MYCBP2: variants seen among roughly 807,000 people sequenced by gnomAD.
MYCBP2 encodes E3 ubiquitin-protein ligase MYCBP2.
In MYCBP2, 120 loss-of-function variants were observed where a neutral mutation model predicts 525.3. That is an observed-to-expected ratio of 0.23 (90% CI 0.20 to 0.27). The LOEUF (loss-of-function observed/expected upper bound fraction) is 0.27. Ranked by LOEUF, MYCBP2 falls within the 10% of genes least tolerant of loss-of-function variation. MYCBP2 has a pLI of 1.00. For missense variants in MYCBP2, 4,149 were observed against 5,657.1 expected (o/e 0.73, Z 8.55); for synonymous variants, 1,894 against 1,955.8 (o/e 0.97, Z 0.83).
chr13:77,217,977 A>G lies in MYCBP2; in HGVS notation c.2940-20T>C. 11 of 1,355,448 alleles carry G rather than the reference A, an allele frequency of 8.1e-6. No individual in the cohort carries two copies. Among genetic ancestry groups the G allele is most frequent in the Non-Finnish European group, 1.1e-5 (11 of 970,084 alleles). 84.0% of individuals were successfully genotyped at this position (1,355,448 alleles called of 1,614,324 possible). A position where few individuals can be genotyped will look rare whatever the true frequency, so the allele number is the denominator to read the frequency against. ...CATCCCCTAGGTTAAAAAAAAAAAA[A>G]GTAAGTCAATTTCTTACAAAACTCA... On this transcript the variant is annotated intron_variant, in intron 20 of 82. Transcript: ENST00000544440.
At chr13:77,067,906 A>G in intron 70 of MYCBP2, 42 bp from the exon 71 acceptor site, 1 of 1,544,190 alleles carries the variant, frequency 6.5e-7, no homozygotes, top group Non-Finnish European at 8.8e-7. Context: ...TGTAAAGACT[A>G]ATGTTTTAAG....
At chr13:77,049,657 T>G (rs2036323577) in intron 82 of MYCBP2, among the ~76,000 whole-genome samples, 3 of 152,156 alleles carry the variant, frequency 2.0e-5, no homozygotes, top group Admixed American at 2.0e-4. Context: ...TGCTTTTTTT[T>G]TTTGAAACAG....
At chr13:77,286,824 T>A (rs2076886852) in intron 3 of MYCBP2, among the ~76,000 whole-genome samples, 1 of 91,684 alleles carries the variant, frequency 1.1e-5, no homozygotes, top group Non-Finnish European at 2.1e-5. Context: ...ATATAGACCT[T>A]CCAGTCTTAA....
At chr13:77,218,377 T>G (rs547019514) in intron 20 of MYCBP2, among the ~76,000 whole-genome samples, 8 of 152,176 alleles carry the variant, frequency 5.3e-5, no homozygotes, top group Non-Finnish European at 1.0e-4. Flanking sequence ...TGATCATCTT[T>G]TCTAACTTTT....
chr13:77,167,070 T>G (rs2058635615), intron 40 of MYCBP2, among the ~76,000 whole-genome samples: 1 of 151,270 alleles, frequency 6.6e-6, no homozygotes, highest in Non-Finnish European at 1.5e-5. Context: ...ATATTCCCAG[T>G]GTCACTAATA....
intron 1 of MYCBP2, among the ~76,000 whole-genome samples, chr13:77,309,071 T>C (rs2079822108): frequency 6.6e-6 from 1 of 152,226 alleles, no homozygotes; most frequent in South Asian, 2.1e-4. Flanking sequence ...CTACAGGTTA[T>C]CTAATCCAAA....
intron 60 of MYCBP2, among the ~76,000 whole-genome samples, chr13:77,089,732 G>C (rs929779904): frequency 6.6e-6 from 1 of 151,438 alleles, no homozygotes; most frequent in Non-Finnish European, 1.5e-5. Flanking sequence ...AGCTCCAAGA[G>C]TTATCAAGCT....
chr13:77,287,006 TCCCGAGTAG>T (rs2076918804), intron 3 of MYCBP2, among the ~76,000 whole-genome samples: 8 of 142,198 alleles, frequency 5.6e-5, no homozygotes, highest in South Asian at 2.3e-4. Context: ...TGCCTCAGCC[TCCCGAGTAG>T]CTGGGACTAC....
intron 33 of MYCBP2, 109 bp downstream of exon 33, chr13:77,181,592 C>T (rs1407802505): frequency 2.1e-5 from 14 of 681,174 alleles, no homozygotes; most frequent in Non-Finnish European, 2.4e-6. Flanking sequence ...GCTAAATACG[C>T]TTAGCTTGGT....
intron 21 of MYCBP2, among the ~76,000 whole-genome samples, chr13:77,214,702 T>A (rs2064553612): frequency 7.6e-6 from 1 of 130,866 alleles, no homozygotes; most frequent in African/African-American, 3.4e-5. Flanking sequence ...AGACGGTATA[T>A]CTACTACATA....
chr13:77,077,401 A>G lies in MYCBP2; in HGVS notation c.11485-14T>C, dbSNP rs753761207. On this transcript the variant is annotated splice_polypyrimidine_tract_variant and intron_variant, in intron 66 of 82. Transcript: ENST00000544440. ...ATCCAGATCAACCTGGTTGAGTAGA[A>G]AAGAGGCAGGAACCTGATTCAGCTG... The G allele has an allele frequency of 3.7e-6, 6 of 1,613,326 alleles. No homozygotes were observed. Among genetic ancestry groups the G allele is most frequent in the Non-Finnish European group, 5.1e-6 (6 of 1,179,498 alleles).
chr13:77,278,685 T>C (rs2075876709), intron 4 of MYCBP2, 73 bp downstream of exon 4: 1 of 1,241,812 alleles, frequency 8.1e-7, no homozygotes, highest in Non-Finnish European at 1.0e-6. Flanking sequence ...CTTAACAATT[T>C]TGAAGTGTAC....
At chr13:77,229,255 A>G (rs1318588547) in intron 18 of MYCBP2, among the ~76,000 whole-genome samples, 2 of 152,234 alleles carry the variant, frequency 1.3e-5, no homozygotes, top group Non-Finnish European at 2.9e-5. Context: ...TAAAATATGA[A>G]AAGTGCTCAA....
chr13:77,067,482 G>T, intron 71 of MYCBP2, 99 bp downstream of exon 71: 2 of 1,239,128 alleles, frequency 1.6e-6, no homozygotes, highest in East Asian at 2.3e-5. Context: ...TTTATTTGGT[G>T]AGTAACCTAA....
At position 77,211,306 on chromosome 13, in the gene MYCBP2, A is replaced by G; in HGVS notation, c.3277T>C (p.Ser1093Pro). The G allele has an allele frequency of 6.9e-7, 1 of 1,459,136 alleles. No homozygotes were observed. The highest frequency in any genetic ancestry group is 9.1e-7 in the Non-Finnish European group (1 of 1,100,816). 90.4% of individuals were successfully genotyped at this position (1,459,136 alleles called of 1,614,324 possible). The change falls in exon 23 of 83, where the codon TCT (serine) becomes CCT (proline). Residue 1093 changes from serine to proline, a missense_variant. This residue lies in a region of MYCBP2 where 620 missense variants were observed against 795.5 expected (regional missense o/e 0.78). Transcript: ENST00000544440. The stretch of plus-strand genomic sequence containing the variant: ...TTAAATGGAGGAGGTTCTGATATAG[A>G]AGCAGGTACCAAGCCTTAAGAAAAA... Reference protein sequence around the residue: ...SKHIIGLVPASISEPPPFKCL... With the variant: ...SKHIIGLVPAPISEPPPFKCL...
intron 69 of MYCBP2, 95 bp from the exon 70 acceptor site, chr13:77,068,926 G>A (rs2040639986): frequency 3.3e-5 from 40 of 1,208,190 alleles, no homozygotes; most frequent in Non-Finnish European, 4.3e-5. Context: ...AGACAAGAAT[G>A]TAAATTGATA....
In MYCBP2 at chr13:77,097,847, C is replaced by T. The variant is rs776389827; in HGVS notation, c.9307G>A (p.Ala3103Thr). Residue 3103 changes from alanine (A) to threonine (T), a missense_variant, in exon 56 of 83, where the codon GCA (alanine) becomes ACA (threonine). Physicochemically the swap from Ala to Thr is moderately conservative, Grantham distance 58. Coordinates refer to ENST00000544440, the MANE Select transcript of MYCBP2 (RefSeq NM_015057.5). ...ISSALNMFNIAPHGPDISKMG... is the reference protein window; with the variant it reads ...ISSALNMFNITPHGPDISKMG... ...TTAGATATATCTGGTCCATGGGGTG[C>T]AATATTAAACATATTCAGTGCAGAT... 6.2e-7 allele frequency: 1 copy of T among 1,613,488 alleles called. No individual in the cohort carries two copies. The highest frequency in any genetic ancestry group is 2.2e-5 in the East Asian group (1 of 44,858).
intron 68 of MYCBP2, among the ~76,000 whole-genome samples, chr13:77,072,908 A>G (rs947571097): frequency 6.6e-6 from 1 of 152,182 alleles, no homozygotes; most frequent in Admixed American, 6.5e-5. Context: ...AGTACTAGTT[A>G]GATTATATAT....
intron 14 of MYCBP2, among the ~76,000 whole-genome samples, chr13:77,253,725 T>A (rs576073058): frequency 6.6e-6 from 1 of 152,080 alleles, no homozygotes; most frequent in Admixed American, 6.5e-5. Context: ...ATATTATACT[T>A]CAATGTAACA....
Sources: allele counts gnomAD v4.1 joint callset (sites outside exome capture counted in the v4.1 genomes callset), GRCh38; gene constraint gnomAD v4.1.1; regional missense constraint gnomAD v4.1.1; transcripts MANE v1.5; gene names NCBI Gene and HGNC (gene_info 2026-07-23, HGNC 2026-07-21).